The following RBM41 variants were observed in gnomAD, a reference collection of about 807,000 sequenced individuals.
RBM41 encodes RNA-binding protein 41.
In RBM41, 14 loss-of-function variants were observed where a neutral mutation model predicts 30.8. The observed-to-expected ratio is 0.45, with a 90% CI of 0.30 to 0.71. RBM41 has a LOEUF of 0.71. Ranked by LOEUF, RBM41 falls within the 30% of genes least tolerant of loss-of-function variation. The pLI, the probability that RBM41 is intolerant of heterozygous loss-of-function variation, is 0.08. For synonymous variants in RBM41, 120 were observed against 110.1 expected (o/e 1.09, Z -0.56); for missense variants, 276 against 326.3 (o/e 0.85, Z 1.19).
downstream of RBM41, among the ~76,000 whole-genome samples, chrX:107,057,638 A>G (rs1335528384): frequency 1.8e-5 from 2 of 112,121 alleles, no homozygotes; most frequent in Non-Finnish European, 3.8e-5. Flanking sequence ...TGTTCTATAG[A>G]TTGTCTGTTA....
intron 5 of RBM41, among the ~76,000 whole-genome samples, chrX:107,090,101 C>A (rs979897620): frequency 1.8e-5 from 2 of 111,833 alleles, no homozygotes; most frequent in Admixed American, 9.5e-5. Flanking sequence ...GGAGGCCGGG[C>A]GTGGTGGCTC....
chrX:107,111,130 T>C (rs1026264949), intron 5 of RBM41, among the ~76,000 whole-genome samples: 10 of 111,314 alleles, frequency 9.0e-5, no homozygotes, highest in African/African-American at 2.6e-4. Context: ...GAGAAAATAT[T>C]TGCAAGTCAT....
intron 1 of RBM41, among the ~76,000 whole-genome samples, chrX:107,118,431 A>G (rs1264207159): frequency 9.0e-6 from 1 of 111,017 alleles, no homozygotes; most frequent in Non-Finnish European, 1.9e-5. Context: ...AGGTACCTAC[A>G]TCTCCGGCGC....
chrX:107,092,943 AG>A (rs2066808888), intron 5 of RBM41, among the ~76,000 whole-genome samples: 1 of 112,088 alleles, frequency 8.9e-6, no homozygotes, highest in South Asian at 3.7e-4. Flanking sequence ...ATAATTGCCC[AG>A]AGTTAGCAAA....
At chrX:107,090,072 C>T (rs1922380455) in intron 5 of RBM41, among the ~76,000 whole-genome samples, 1 of 112,035 alleles carries the variant, frequency 8.9e-6, no homozygotes, top group Non-Finnish European at 1.9e-5. Context: ...TAAGAGTTGA[C>T]ATCTTAGAAA....
At chrX:107,113,243 C>G in intron 5 of RBM41, 154 bp downstream of exon 5, 2 of 646,908 alleles carry the variant, frequency 3.1e-6, no homozygotes, top group Non-Finnish European at 2.0e-6. Flanking sequence ...TCTACTAACT[C>G]CTCTCTTTAA....
In RBM41 at chrX:107,067,566, T is replaced by G. The variant is rs762700068; in HGVS notation, c.1275A>C (p.Ser425=). ...RSNLQATSLI[S]CATGSTTEIS... is the part of the protein sequence containing the mutation. ...TTTCTGTAGTGCTACCTGTAGCACA[T>G]GATATGAGAGAAGTCGCTTGGAGAT... The change falls in exon 8 of 8, where the codon TCA becomes TCC. Residue 425 remains serine (S), a synonymous_variant. Transcript: ENST00000685964. 1.7e-6 allele frequency: 2 copies of G among 1,210,563 alleles called. No homozygotes were observed. The highest frequency in any genetic ancestry group is 3.5e-5 in the South Asian group (2 of 56,747).
chrX:107,100,490 CAA>C (rs112960964), intron 5 of RBM41, among the ~76,000 whole-genome samples: 14 of 70,132 alleles, frequency 2.0e-4, no homozygotes, highest in Admixed American at 6.4e-4. Flanking sequence ...GACTCTGTCT[CAA>C]AAAAAAAAAA....
In RBM41 at chrX:107,065,803, C is replaced by T. The variant is rs953091972; in HGVS notation, c.*1724G>A. 7.2e-6 allele frequency: 8 copies of T among 1,116,279 alleles called. No individual in the cohort carries two copies. The highest frequency in any genetic ancestry group is 2.3e-5 in the South Asian group (1 of 44,413). The allele number at this position is 1,116,279 out of a possible 1,213,427, so 92.0% of individuals were successfully genotyped here. On this transcript the variant is annotated 3_prime_UTR_variant, in exon 8 of 8. Transcript: ENST00000685964. ...TATATTTTATACGTTATAGGCCAAA[C>T]GATGCAACTATATACATATTGTTTT...
chrX:107,113,296 A>G (rs938270256), intron 5 of RBM41, 101 bp downstream of exon 5: 114 of 911,640 alleles, frequency 1.3e-4, no homozygotes, highest in Non-Finnish European at 1.4e-4. Flanking sequence ...ATCATTTCCT[A>G]TAAACATTGT....
At chrX:107,085,711 C>A (rs576226512) in intron 6 of RBM41, among the ~76,000 whole-genome samples, 1 of 111,628 alleles carries the variant, frequency 9.0e-6, no homozygotes, top group African/African-American at 3.3e-5. Flanking sequence ...GGTGTTTTTG[C>A]CTCTGTGAAC....
chrX:107,087,674 C>T (rs370141924), intron 6 of RBM41, among the ~76,000 whole-genome samples: 2 of 112,378 alleles, frequency 1.8e-5, no homozygotes, highest in African/African-American at 3.2e-5. Flanking sequence ...GGCATGATCT[C>T]GGCTCACTGC....
chrX:107,086,824 A>C (rs985821618), intron 6 of RBM41, among the ~76,000 whole-genome samples: 1 of 112,222 alleles, frequency 8.9e-6, no homozygotes, highest in Admixed American at 9.5e-5. Flanking sequence ...AATCTTCAGG[A>C]AAGTGGATAA....
chrX:107,074,014 A>G (rs1276448905), intron 6 of RBM41, among the ~76,000 whole-genome samples: 1 of 111,396 alleles, frequency 9.0e-6, no homozygotes, highest in Non-Finnish European at 1.9e-5. Context: ...AAAGATGTAA[A>G]ATTACAGTTT....
rs182796519 is a variant in RBM41 at position 107,104,471 on chromosome X, T to C, written c.595+8926A>G. On this transcript the variant is annotated intron_variant, in intron 5 of 7. Transcript: ENST00000685964. ...GAAAATTTTCACTGAAAACAAAGAA[T>C]AGAAAAAATCTTTTCCCATTAGGAT... is the stretch of plus-strand genomic sequence containing the variant. 4.5e-5 allele frequency among the ~76,000 whole-genome samples: 5 copies of C among 111,487 alleles called. No homozygotes were observed. In the East Asian group the frequency reaches 1.1e-3, roughly 25 times the overall value.
the RBM41 span, among the ~76,000 whole-genome samples, chrX:107,056,773 G>A: frequency 1.9e-5 from 2 of 104,333 alleles, no homozygotes; most frequent in East Asian, 5.8e-4. Flanking sequence ...ACCACTATAG[G>A]TAATGGTTTG....
rs1386882310 is a variant in RBM41, at chrX:107,063,984, C to T, written c.*3543G>A. On this transcript the variant is annotated 3_prime_UTR_variant, in exon 8 of 8. Transcript: ENST00000685964. ...TTTTTTTTTTTGAGATGGAGTCTCG[C>T]TCTGCTGCCCAGGCTGGAGTGCAGT... Among the ~76,000 whole-genome samples the T allele has an allele frequency of 2.0e-5, 2 of 99,896 alleles. No homozygotes were observed. The highest frequency in any genetic ancestry group is 4.0e-5 in the Non-Finnish European group (2 of 49,932). The allele number at this position is 99,896 out of a possible 115,157, so 86.7% of individuals were successfully genotyped here.
At chrX:107,070,418 G>A (rs1936013378) in intron 6 of RBM41, 1 of 319,143 alleles carries the variant, frequency 3.1e-6, no homozygotes. Context: ...TGGGAAAACT[G>A]GTAAGTCCTA....
chrX:107,091,933 C>T (rs777722301), intron 5 of RBM41, among the ~76,000 whole-genome samples: 2 of 111,614 alleles, frequency 1.8e-5, no homozygotes, highest in African/African-American at 6.5e-5. Context: ...ACACGTTGGT[C>T]TTATATCTAG....
Sources: allele counts gnomAD v4.1 joint callset (sites outside exome capture counted in the v4.1 genomes callset), GRCh38; gene constraint gnomAD v4.1.1; transcripts MANE v1.5; gene names NCBI Gene and HGNC (gene_info 2026-07-23, HGNC 2026-07-21).